Variants in CLMP observed in about 807,000 individuals in gnomAD.
CLMP encodes the protein CXADR-like membrane protein.
Under a neutral mutation model 45.2 loss-of-function variants are expected in CLMP, and 27 were observed. That is an observed-to-expected ratio of 0.60 (90% CI 0.44 to 0.82). The LOEUF (loss-of-function observed/expected upper bound fraction) is 0.82. Among genes scored for constraint, CLMP ranks in the 40% least tolerant of loss-of-function variants. CLMP has a pLI of 0.00. For synonymous variants in CLMP, 167 were observed against 171.4 expected, an observed-to-expected ratio of 0.97 and a Z score of 0.20; for missense variants, 403 against 448.4, an observed-to-expected ratio of 0.90 and a Z score of 0.91.
intron 1 of CLMP, among the ~76,000 whole-genome samples, chr11:123,141,252 TC>T (rs35812767): frequency 0.42 from 59,967 of 141,184 alleles, 13,534 homozygotes; most frequent in African/African-American, 0.6. Flanking sequence ...TGATACGATC[TC>T]GGCTCACTGC....
chr11:123,113,123 T>C lies in CLMP; in HGVS notation c.29-15171A>G, dbSNP rs141822745. On this transcript the variant is annotated intron_variant, in intron 1 of 6. Transcript: ENST00000448775. ...ATCATAACATATTCAAGGATACTGA[T>C]GCTACAACATTTTCTTAAACACCCC... 4.4e-3 allele frequency among the ~76,000 whole-genome samples: 663 copies of C among 152,304 alleles called. 4 individuals are homozygous for C. The highest frequency in any genetic ancestry group is 0.015 in the African/African-American group (637 of 41,582).
intron 1 of CLMP, among the ~76,000 whole-genome samples, chr11:123,127,280 C>T (rs1860909218): frequency 6.6e-6 from 1 of 151,986 alleles, no homozygotes; most frequent in Admixed American, 6.6e-5. Flanking sequence ...TACCATCATG[C>T]CCAGCTAATT....
At chr11:123,114,824 A>C (rs1277048337) in intron 1 of CLMP, among the ~76,000 whole-genome samples, 7 of 152,126 alleles carry the variant, frequency 4.6e-5, no homozygotes, top group South Asian at 2.1e-4. Flanking sequence ...TATTATCTTC[A>C]TTCTACAGAC....
intron 1 of CLMP, among the ~76,000 whole-genome samples, chr11:123,140,871 T>A (rs1861145095): frequency 6.6e-6 from 1 of 152,042 alleles, no homozygotes. Context: ...TAGTGGGAGA[T>A]GTTTGGGTCT....
At chr11:123,075,433 C>T (rs1226815206) in intron 5 of CLMP, among the ~76,000 whole-genome samples, 1 of 152,060 alleles carries the variant, frequency 6.6e-6, no homozygotes, top group African/African-American at 2.4e-5. Context: ...GTCCCCCAGA[C>T]TGGAGTGCAG....
intron 1 of CLMP, among the ~76,000 whole-genome samples, chr11:123,163,566 T>A (rs1861515235): frequency 6.6e-6 from 1 of 152,164 alleles, no homozygotes; most frequent in Non-Finnish European, 1.5e-5. Flanking sequence ...GGGAACTTGT[T>A]AGAAAAGTAG....
chr11:123,090,064 G>A (rs1865912328), intron 2 of CLMP, among the ~76,000 whole-genome samples: 2 of 151,728 alleles, frequency 1.3e-5, no homozygotes, highest in Admixed American at 1.3e-4. Flanking sequence ...ACTCCAGCCT[G>A]GGCAACAAGA....
intron 1 of CLMP, among the ~76,000 whole-genome samples, chr11:123,105,543 G>A (rs1860531651): frequency 6.6e-6 from 1 of 151,678 alleles, no homozygotes; most frequent in African/African-American, 2.4e-5. Flanking sequence ...CGATTCTCCT[G>A]CCTCAGCCAC....
At position 123,162,232 on chromosome 11, in the gene CLMP, C is replaced by T. The variant is rs547217101; in HGVS notation, c.28+32681G>A. Among the ~76,000 whole-genome samples, 13 of 152,174 alleles carry T rather than the reference C, an allele frequency of 8.5e-5. No individual in the cohort carries two copies. The East Asian group carries it at 1.5e-3, about 18-fold the overall frequency. On this transcript the variant is annotated intron_variant, in intron 1 of 6. Coordinates refer to ENST00000448775, the MANE Select transcript of CLMP (RefSeq NM_024769.5). ...AGAGGAATAGATGAGCAGAAGGACC[C>T]GAGGCAGGAGAAAGTGGGAAGAACA...
chr11:123,169,410 C>T (rs959926306), intron 1 of CLMP, among the ~76,000 whole-genome samples: 10 of 152,158 alleles, frequency 6.6e-5, no homozygotes, highest in Admixed American at 1.3e-4. Context: ...CCCAGGCCTA[C>T]GGCAGAATCA....
intron 1 of CLMP, among the ~76,000 whole-genome samples, chr11:123,147,257 A>C (rs555780689): frequency 6.6e-6 from 1 of 152,004 alleles, no homozygotes; most frequent in Non-Finnish European, 1.5e-5. Flanking sequence ...TTCCAGCTAC[A>C]CTGAGTTGCC....
At chr11:123,121,834 C>T (rs1860822837) in intron 1 of CLMP, among the ~76,000 whole-genome samples, 1 of 152,182 alleles carries the variant, frequency 6.6e-6, no homozygotes. Flanking sequence ...TTCTCTTTCA[C>T]CTTTATTTCC....
At chr11:123,156,000 C>G (rs954000622) in intron 1 of CLMP, among the ~76,000 whole-genome samples, 1 of 152,054 alleles carries the variant, frequency 6.6e-6, no homozygotes, top group African/African-American at 2.4e-5. Context: ...GTGTTTATGT[C>G]CCCCCAAAAA....
chr11:123,122,405 A>C (rs1332882281), intron 1 of CLMP, among the ~76,000 whole-genome samples: 2 of 152,116 alleles, frequency 1.3e-5, no homozygotes, highest in Non-Finnish European at 2.9e-5. Flanking sequence ...CATCATTGGC[A>C]GGGTTGTGTC....
rs369748593 is a variant in CLMP at position 123,073,564 on chromosome 11, T to C, written c.1032A>G (p.Glu344=). ...GATTAGCATGGTGGACTTTCTTTGGTTCAGAACCTCTCACCTCTGGCCCCA... is the reference window on the plus strand; with the variant it reads ...GATTAGCATGGTGGACTTTCTTTGGCTCAGAACCTCTCACCTCTGGCCCCA... ...SLVGPEVRGS[E]PKKVHHANLT... is the part of the protein sequence containing the mutation. The change falls in exon 7 of 7, where the codon GAA becomes GAG. Residue 344 remains glutamate (E), a synonymous_variant. Coordinates refer to ENST00000448775, the MANE Select transcript of CLMP (RefSeq NM_024769.5). 1.9e-5 allele frequency: 30 copies of C among 1,614,088 alleles called. No homozygotes were observed. The East Asian group carries it at 5.6e-4, about 30-fold the overall frequency.
chr11:123,090,408 G>A (rs1033490546), intron 2 of CLMP, among the ~76,000 whole-genome samples: 10 of 151,648 alleles, frequency 6.6e-5, no homozygotes, highest in African/African-American at 9.7e-5. Flanking sequence ...GCAACAGAGC[G>A]AGACTCTGTC....
Position 123,155,723 on chromosome 11 carries a change from C to T in CLMP, c.28+39190G>A, listed in dbSNP as rs912549047. ...ACTCTTGCCTCCTGGTATTCATGTCCTTGTATAGTCCCTATATTGAATAAG... is the reference window on the plus strand; with the variant it reads ...ACTCTTGCCTCCTGGTATTCATGTCTTTGTATAGTCCCTATATTGAATAAG... On this transcript the variant is annotated intron_variant, in intron 1 of 6. Transcript: ENST00000448775. Among the ~76,000 whole-genome samples, 7 of 152,156 alleles carry T rather than the reference C, an allele frequency of 4.6e-5. No individual in the cohort carries two copies. In the South Asian group the frequency reaches 8.3e-4, roughly 18 times the overall value.
At chr11:123,109,609 G>T (rs1307875428) in intron 1 of CLMP, among the ~76,000 whole-genome samples, 5 of 152,170 alleles carry the variant, frequency 3.3e-5, no homozygotes, top group African/African-American at 1.2e-4. Flanking sequence ...ACACACCTGA[G>T]GTACATAGTT....
At chr11:123,121,566 G>A (rs1860819115) in intron 1 of CLMP, among the ~76,000 whole-genome samples, 1 of 152,108 alleles carries the variant, frequency 6.6e-6, no homozygotes, top group African/African-American at 2.4e-5. Context: ...CCAAAGTGCT[G>A]GGATTACAGG....
Sources: gnomAD v4.1 joint callset for allele counts (sites outside exome capture counted in the v4.1 genomes callset) on GRCh38, gnomAD v4.1.1 for gene constraint, MANE v1.5 for transcripts, NCBI Gene and HGNC (gene_info 2026-07-23, HGNC 2026-07-21) for gene names.